ZNF419: variants seen among roughly 807,000 people sequenced by gnomAD.
ZNF419 encodes the protein zinc finger protein 419, also known as zinc finger protein 419A.
ZNF419 carries 8 observed loss-of-function variants against 14.9 expected under a neutral mutation model. That is an observed-to-expected ratio of 0.54 (90% CI 0.32 to 0.97). ZNF419 has a LOEUF of 0.97. Among genes scored for constraint, ZNF419 ranks in the 50% least tolerant of loss-of-function variants. The pLI, the probability that ZNF419 is intolerant of heterozygous loss-of-function variation, is 0.04. For missense variants in ZNF419, 595 were observed against 607.2 expected (o/e 0.98, Z 0.21); for synonymous variants, 211 against 205.3 (o/e 1.03, Z -0.24).
rs775059749 is a variant in ZNF419, at chr19:57,493,275, T to C, written c.718T>C (p.Phe240Leu). The C allele has an allele frequency of 1.9e-6, 3 of 1,614,266 alleles. No individual in the cohort carries two copies. The highest frequency in any genetic ancestry group is 1.1e-5 in the South Asian group (1 of 91,084). Residue 240 changes from phenylalanine (F) to leucine (L), a missense_variant, in exon 5 of 5, where the codon TTT becomes CTT. Transcript: ENST00000221735. ...TYECSECGKL[F>L]RDMSNLFIHQ... ...TGAATGCAGTGAATGTGGGAAGTTA[T>C]TTAGAGATATGTCCAACCTTTTTAT...
rs2089577461 is a variant in ZNF419, at chr19:57,494,184, T to C, written c.*94T>C. 4.0e-6 allele frequency: 6 copies of C among 1,491,404 alleles called. No individual in the cohort carries two copies. The highest frequency in any genetic ancestry group is 5.4e-6 in the Non-Finnish European group (6 of 1,113,786). The allele number at this position is 1,491,404 out of a possible 1,614,324, so 92.4% of individuals were successfully genotyped here. On this transcript the variant is annotated 3_prime_UTR_variant, in exon 5 of 5. Coordinates refer to ENST00000221735, the MANE Select transcript of ZNF419 (RefSeq NM_024691.4). ...TTGAAGGTAACAGATGGAAATCCGT[T>C]AGCCACACCTCCAGTCTCATTCAAC...
At position 57,494,747 on chromosome 19, in the gene ZNF419, C is replaced by G. The variant is rs1381925976; in HGVS notation, c.*657C>G. The stretch of plus-strand genomic sequence containing the variant: ...GCTGTGTAACAGGTCTGCAAAGCTC[C>G]TCATTCAGTTATTCTGTAAGTTGAT... On this transcript the variant is annotated 3_prime_UTR_variant, in exon 5 of 5. Coordinates refer to ENST00000221735, the MANE Select transcript of ZNF419 (RefSeq NM_024691.4). 5.7e-6 allele frequency: 1 copy of G among 176,684 alleles called. No homozygotes were observed. Among genetic ancestry groups the G allele is most frequent in the African/African-American group, 2.4e-5 (1 of 42,364 alleles). 10.9% of individuals were successfully genotyped at this position (176,684 alleles called of 1,614,324 possible). A position where few individuals can be genotyped will look rare whatever the true frequency, so the allele number is the denominator to read the frequency against.
At position 57,493,645 on chromosome 19, in the gene ZNF419, G is replaced by T; in HGVS notation, c.1088G>T (p.Arg363Leu). ...SHKSNLIKHW[R>L]VHTGERPYKC... ...AAGTCCAACCTTATCAAACATTGGC[G>T]TGTTCATACTGGAGAAAGGCCTTAC... The change falls in exon 5 of 5, where the codon CGT becomes CTT. Residue 363 changes from arginine (R) to leucine (L), a missense_variant. By Grantham distance (102) the Arg-to-Leu change is moderately radical. Transcript: ENST00000221735. 1.2e-6 allele frequency: 2 copies of T among 1,614,038 alleles called. No homozygotes were observed. Among genetic ancestry groups the T allele is most frequent in the South Asian group, 1.1e-5 (1 of 91,074 alleles).
chr19:57,488,341 C>T, intron 1 of ZNF419: 1 of 374,144 alleles, frequency 2.7e-6, no homozygotes, highest in Non-Finnish European at 4.9e-6. Flanking sequence ...TGCCAAAGGC[C>T]CTTCAAGTCA....
Position 57,490,153 on chromosome 19 carries a change from GT to G in ZNF419, c.41del (p.Val14GlyfsTer14). 1 of 1,613,662 alleles carries G rather than the reference GT, an allele frequency of 6.2e-7. No homozygotes were observed. The highest frequency in any genetic ancestry group is 1.7e-4 in the Middle Eastern group (1 of 6,060). Reference protein sequence around the residue: ...AALRDPAQVPVAADLLTDHEE... With the variant: ...AALRDPAQVPXAADLLTDHEE... ...TAGTCTTGATTTTCCATAGGTTCCT[GT>G]GGCTGCAGACTTGCTTACAGACCAT... On this transcript the variant is annotated frameshift_variant, in exon 2 of 5. Transcript: ENST00000221735. LOFTEE classifies it high-confidence loss of function.
chr19:57,491,425 C>T, intron 2 of ZNF419, 46 bp from the exon 3 acceptor site: 1 of 1,606,490 alleles, frequency 6.2e-7, no homozygotes, highest in Non-Finnish European at 8.5e-7. Context: ...CCTAAATTTC[C>T]CAGTAAGGAG....
At position 57,494,077 on chromosome 19, in the gene ZNF419, G is replaced by A; in HGVS notation, c.1520G>A (p.Gly507Glu). The stretch of plus-strand genomic sequence containing the variant: ...TTTAAACATCGAAGGATTCACACTG[G>A]AGAAATGCAGTGATTGTGTGAAATC... ...SLFKHRRIHT[G>E]EMQ is the part of the protein sequence containing the mutation. Residue 507 changes from glycine (G) to glutamate (E), a missense_variant, in exon 5 of 5, where the codon GGA becomes GAA. Coordinates refer to ENST00000221735, the MANE Select transcript of ZNF419 (RefSeq NM_024691.4). The A allele has an allele frequency of 1.3e-6, 2 of 1,598,024 alleles. No individual in the cohort carries two copies. The highest frequency in any genetic ancestry group is 1.7e-6 in the Non-Finnish European group (2 of 1,173,150).
intron 1 of ZNF419, chr19:57,488,570 T>TC (rs2089411678): frequency 6.6e-6 from 1 of 152,142 alleles, no homozygotes; most frequent in Non-Finnish European, 1.5e-5. Context: ...TTTGTATTTT[T>TC]GTTTGTTTGT....
intron 2 of ZNF419, chr19:57,490,433 C>A (rs2089456311): frequency 7.4e-6 from 2 of 271,986 alleles, no homozygotes. Context: ...CGGCTCACTG[C>A]AACTTCTGGC....
In ZNF419 at chr19:57,489,878, T is replaced by G. The variant is rs1213869515; in HGVS notation, c.34-269T>G. On this transcript the variant is annotated intron_variant, in intron 1 of 4. Coordinates refer to ENST00000221735, the MANE Select transcript of ZNF419 (RefSeq NM_024691.4). Reference sequence around the variant, plus strand: ...TTATGTGTACAGTAAGAGTTGATACTTAGTCCTAGACACATAAGAATGAGT... The same window carrying G: ...TTATGTGTACAGTAAGAGTTGATACGTAGTCCTAGACACATAAGAATGAGT... 9.9e-6 allele frequency: 4 copies of G among 405,446 alleles called. No homozygotes were observed. In the East Asian group the frequency reaches 1.8e-4, roughly 18 times the overall value. 25.1% of individuals were successfully genotyped at this position (405,446 alleles called of 1,614,324 possible).
chr19:57,490,261 G>C, intron 2 of ZNF419, 76 bp downstream of exon 2: 1 of 1,440,774 alleles, frequency 6.9e-7, no homozygotes, highest in Non-Finnish European at 9.6e-7. Flanking sequence ...GGTGTCTTGA[G>C]GCTCCTTGCT....
At chr19:57,488,351 A>T (rs2089405955) in intron 1 of ZNF419, 1 of 310,888 alleles carries the variant, frequency 3.2e-6, no homozygotes, top group Non-Finnish European at 6.1e-6. Context: ...CCTTCAAGTC[A>T]AAACAGACTG....
rs1485874278 is a variant in ZNF419 at position 57,494,913 on chromosome 19, T to G, written c.*823T>G. ...TGTGTAGAAGTCATAGGCCATTCAT[T>G]TTAGCCATGTTACTAAGTGTGAAGT... On this transcript the variant is annotated 3_prime_UTR_variant, in exon 5 of 5. Coordinates refer to ENST00000221735, the MANE Select transcript of ZNF419 (RefSeq NM_024691.4). The G allele has an allele frequency of 6.4e-6, 1 of 155,480 alleles. No individual in the cohort carries two copies. The highest frequency in any genetic ancestry group is 6.5e-5 in the Admixed American group (1 of 15,376). The allele number at this position is 155,480 out of a possible 1,614,324, so 9.6% of individuals were successfully genotyped here.
At position 57,492,013 on chromosome 19, in the gene ZNF419, T is replaced by A. The variant is rs746483723; in HGVS notation, c.200-100T>A. ...CTGTGTTGTTCCTGCAAGACCCTCC[T>A]CCAAGGTTCTTTCTGTACTATTTTG... On this transcript the variant is annotated intron_variant, in intron 3 of 4. Coordinates refer to ENST00000221735, the MANE Select transcript of ZNF419 (RefSeq NM_024691.4). 8.5e-6 allele frequency: 8 copies of A among 939,544 alleles called. No individual in the cohort carries two copies. In the South Asian group the frequency reaches 1.2e-4, roughly 14 times the overall value. The allele number at this position is 939,544 out of a possible 1,614,324, so 58.2% of individuals were successfully genotyped here. A position where few individuals can be genotyped will look rare whatever the true frequency, so the allele number is the denominator to read the frequency against.
Position 57,493,896 on chromosome 19 carries a change from A to T in ZNF419, c.1339A>T (p.Lys447Ter). The change falls in exon 5 of 5, where the codon AAA (lysine) becomes TAA (stop). Residue 447 changes from lysine (K) to a stop codon, truncating the protein, a stop_gained. Transcript: ENST00000221735. LOFTEE classifies it low-confidence loss of function (END_TRUNC). ...AAGCTCAACCCTCATGCAACATCGAAAAGTTCACATTGGAGAAAAGCCTTT... is the reference window on the plus strand; with the variant it reads ...AAGCTCAACCCTCATGCAACATCGATAAGTTCACATTGGAGAAAAGCCTTT... Reference protein sequence around the residue: ...SQSSTLMQHRKVHIGEKPFKC... With the variant: ...SQSSTLMQHR The T allele has an allele frequency of 6.2e-7, 1 of 1,613,958 alleles. No individual in the cohort carries two copies. The highest frequency in any genetic ancestry group is 1.3e-5 in the African/African-American group (1 of 74,996).
Position 57,495,186 on chromosome 19 carries a change from TGAGGTC to T in ZNF419, c.*1098_*1103del, listed in dbSNP as rs1161725851. 6.6e-6 allele frequency: 1 copy of T among 152,196 alleles called. No individual in the cohort carries two copies. The highest frequency in any genetic ancestry group is 2.4e-5 in the African/African-American group (1 of 41,444). The allele number at this position is 152,196 out of a possible 1,614,324, so 9.4% of individuals were successfully genotyped here. ...TCTTTTCTTTTTTAAAATTTAGAGA[TGAGGTC>T]GTGCTATGTTGCACAGACTAGTCTC... On this transcript the variant is annotated 3_prime_UTR_variant, in exon 5 of 5. Coordinates refer to ENST00000221735, the MANE Select transcript of ZNF419 (RefSeq NM_024691.4).
chr19:57,490,020 G>A lies in ZNF419; in HGVS notation c.34-127G>A, dbSNP rs150196447. On this transcript the variant is annotated intron_variant, in intron 1 of 4. Coordinates refer to ENST00000221735, the MANE Select transcript of ZNF419 (RefSeq NM_024691.4). ...TCCAAGGGCACACAACAGGTAAGAG[G>A]CATCACTAAGAACCAAAGCCCAGAT... 2.9e-3 allele frequency: 2,258 copies of A among 791,540 alleles called. 36 individuals are homozygous for A. In the African/African-American group the frequency reaches 0.031, roughly 11 times the overall value. The allele number at this position is 791,540 out of a possible 1,614,324, so 49.0% of individuals were successfully genotyped here.
chr19:57,489,975 A>T, intron 1 of ZNF419, 172 bp from the exon 2 acceptor site: 1 of 613,270 alleles, frequency 1.6e-6, no homozygotes, highest in Non-Finnish European at 3.0e-6. Flanking sequence ...ACACCAAGGC[A>T]CAGGGAAGTT....
chr19:57,492,915 C>A lies in ZNF419; in HGVS notation c.358C>A (p.Leu120Ile). 6.2e-7 allele frequency: 1 copy of A among 1,614,184 alleles called. No individual in the cohort carries two copies. The highest frequency in any genetic ancestry group is 8.5e-7 in the Non-Finnish European group (1 of 1,180,012). ...TGAGCAGATTGCTTCTGTAGGACTG[C>A]TCAGTTCAAACATTCAGCAACACCA... Reference protein sequence around the residue: ...APEQIASVGLLSSNIQQHQKQ... With the variant: ...APEQIASVGLISSNIQQHQKQ... Residue 120 changes from leucine to isoleucine, a missense_variant, in exon 5 of 5, where the codon CTC becomes ATC. By Grantham distance (5) the Leu-to-Ile change is conservative (BLOSUM62 2). Transcript: ENST00000221735.
Sources: allele counts gnomAD v4.1 joint callset, GRCh38; gene constraint gnomAD v4.1.1; transcripts MANE v1.5; gene names NCBI Gene and HGNC (gene_info 2026-07-23, HGNC 2026-07-21).